The following GALNT14 variants were observed in gnomAD, a reference collection of about 807,000 sequenced individuals.
GALNT14 encodes the protein UDP-GalNAc:polypeptide N-acetylgalactosaminyltransferase 14.
Under a neutral mutation model 77.5 loss-of-function variants are expected in GALNT14, and 60 were observed. That is an observed-to-expected ratio of 0.77 (90% CI 0.63 to 0.96). GALNT14 has a LOEUF of 0.96. GALNT14 is among the 40% of genes least tolerant of loss of function. The pLI, the probability that GALNT14 is intolerant of heterozygous loss-of-function variation, is 0.00. For synonymous variants in GALNT14, 280 were observed against 281.7 expected (o/e 0.99, Z 0.06); for missense variants, 710 against 731.0 (o/e 0.97, Z 0.33).
chr2:30,958,472 ATGGAAACAGAAAAAAATCAC>A lies in GALNT14; in HGVS notation c.399-28_399-9del. 1 of 1,613,142 alleles carries A rather than the reference ATGGAAACAGAAAAAAATCAC, an allele frequency of 6.2e-7. No homozygotes were observed. The highest frequency in any genetic ancestry group is 8.5e-7 in the Non-Finnish European group (1 of 1,179,218). ...GGGGTGCGGTTTAATACACTGCAAG[ATGGAAACAGAAAAAAATCAC>A]TGGAACTTCTAGTGGCAAAATATAT... is the stretch of plus-strand genomic sequence containing the variant. On this transcript the variant is annotated splice_polypyrimidine_tract_variant and intron_variant, in intron 3 of 14. Coordinates refer to ENST00000349752, the MANE Select transcript of GALNT14 (RefSeq NM_024572.4).
chr2:30,961,255 T>A (rs1667674269), intron 3 of GALNT14, among the ~76,000 whole-genome samples: 1 of 152,252 alleles, frequency 6.6e-6, no homozygotes. Context: ...TAAGGAAATG[T>A]ATTTGAAATT....
chr2:31,031,906 T>C (rs992340205), intron 1 of GALNT14, among the ~76,000 whole-genome samples: 6 of 152,010 alleles, frequency 3.9e-5, no homozygotes, highest in African/African-American at 1.4e-4. Flanking sequence ...CTAGCAAGAG[T>C]CTTCCTGTTT....
At chr2:30,893,614 A>G in the GALNT14 span, among the ~76,000 whole-genome samples, 2 of 152,246 alleles carry the variant, frequency 1.3e-5, no homozygotes, top group South Asian at 4.1e-4. Flanking sequence ...TCTAAAACTC[A>G]TATTTCAAGA....
At chr2:30,958,004 T>C (rs146753022) in intron 4 of GALNT14, among the ~76,000 whole-genome samples, 3 of 152,188 alleles carry the variant, frequency 2.0e-5, no homozygotes, top group East Asian at 1.9e-4. Flanking sequence ...GGTTCTTTGA[T>C]AGGATAACTG....
Position 31,138,371 on chromosome 2 carries a change from T to G in GALNT14, c.-285A>C. 35 of 397,954 alleles carry G rather than the reference T, an allele frequency of 8.8e-5. No homozygotes were observed. The highest frequency in any genetic ancestry group is 1.2e-4 in the Non-Finnish European group (27 of 223,364). The allele number at this position is 397,954 out of a possible 1,614,324, so 24.7% of individuals were successfully genotyped here. On this transcript the variant is annotated 5_prime_UTR_variant, in exon 1 of 15. Transcript: ENST00000349752. The stretch of plus-strand genomic sequence containing the variant: ...GAGAAGCGCGGTGGCTGCCGAGATG[T>G]TCCCCACGCCGCCACCGCGGCTGCC...
intron 1 of GALNT14, among the ~76,000 whole-genome samples, chr2:30,995,830 G>A (rs1669999046): frequency 6.6e-6 from 1 of 152,102 alleles, no homozygotes; most frequent in Non-Finnish European, 1.5e-5. Flanking sequence ...TATATATATA[G>A]TTTAAGTTGA....
intron 1 of GALNT14, among the ~76,000 whole-genome samples, chr2:31,035,620 C>A (rs896933119): frequency 9.5e-6 from 1 of 104,840 alleles, no homozygotes. Flanking sequence ...CACACACCTA[C>A]ACACACACAC....
chr2:31,064,679 C>T (rs1674820891), intron 1 of GALNT14, among the ~76,000 whole-genome samples: 1 of 151,998 alleles, frequency 6.6e-6, no homozygotes, highest in African/African-American at 2.4e-5. Flanking sequence ...TATTGGATCT[C>T]GCCAGACACA....
the GALNT14 span, among the ~76,000 whole-genome samples, chr2:30,901,435 TAC>T: frequency 1.1e-4 from 16 of 151,818 alleles, no homozygotes; most frequent in African/African-American, 2.9e-4. Flanking sequence ...CCTATATGTA[TAC>T]ACACACACAC....
intron 1 of GALNT14, among the ~76,000 whole-genome samples, chr2:31,043,557 G>A (rs2148504252): frequency 6.6e-6 from 1 of 152,250 alleles, no homozygotes; most frequent in South Asian, 2.1e-4. Context: ...GGAAGCAATG[G>A]ATCTGGTCCC....
intron 2 of GALNT14, among the ~76,000 whole-genome samples, chr2:30,972,632 C>T (rs545391680): frequency 6.6e-4 from 100 of 152,360 alleles, no homozygotes; most frequent in Non-Finnish European, 1.2e-3. Flanking sequence ...TGGACTCCAG[C>T]GTCCTCGTCA....
intron 1 of GALNT14, among the ~76,000 whole-genome samples, chr2:31,024,845 A>C (rs1162958204): frequency 6.6e-6 from 1 of 152,150 alleles, no homozygotes; most frequent in Non-Finnish European, 1.5e-5. Flanking sequence ...CCACTGAAAA[A>C]TTCTAAGTGT....
In GALNT14 at chr2:30,910,814, T is replaced by C. The variant is rs1664309294; in HGVS notation, c.*87A>G. 6.9e-7 allele frequency: 1 copy of C among 1,450,066 alleles called. No individual in the cohort carries two copies. The highest frequency in any genetic ancestry group is 1.4e-5 in the African/African-American group (1 of 70,960). The allele number at this position is 1,450,066 out of a possible 1,614,324, so 89.8% of individuals were successfully genotyped here. The stretch of plus-strand genomic sequence containing the variant: ...TCCCAGTCCAGGATGTCTGAGGTGG[T>C]TGCAGGCTGCTTGCTGCCCAGTTTC... On this transcript the variant is annotated 3_prime_UTR_variant, in exon 15 of 15. Coordinates refer to ENST00000349752, the MANE Select transcript of GALNT14 (RefSeq NM_024572.4).
At chr2:31,103,340 G>C (rs562006302) in intron 1 of GALNT14, among the ~76,000 whole-genome samples, 1 of 151,934 alleles carries the variant, frequency 6.6e-6, no homozygotes, top group Admixed American at 6.6e-5. Flanking sequence ...CAAAGATAAA[G>C]TTGGTGTATT....
At chr2:30,969,653 A>G (rs1007644208) in intron 2 of GALNT14, among the ~76,000 whole-genome samples, 3 of 152,154 alleles carry the variant, frequency 2.0e-5, no homozygotes, top group Non-Finnish European at 4.4e-5. Flanking sequence ...ACAGACAGAA[A>G]TGGGGCACAG....
intron 13 of GALNT14, among the ~76,000 whole-genome samples, chr2:30,923,183 C>T (rs996392219): frequency 5.9e-5 from 9 of 151,492 alleles, no homozygotes; most frequent in African/African-American, 2.2e-4. Context: ...CTGCCTCAGC[C>T]CCCTGAGTAG....
Position 30,924,736 on chromosome 2 carries a change from A to G in GALNT14, c.1235+4T>C. ...GCCAAAGCTCCAACAGGTAGGACGG[A>G]TACCTGAGTTCAGGGTAGATATTCT... On this transcript the variant is annotated splice_donor_region_variant and intron_variant, in intron 12 of 14. Transcript: ENST00000349752. The G allele has an allele frequency of 1.2e-6, 2 of 1,612,850 alleles. No homozygotes were observed. The highest frequency in any genetic ancestry group is 1.3e-5 in the African/African-American group (1 of 75,032).
At chr2:31,048,627 C>CTGCCTCCCT (rs369825736) in intron 1 of GALNT14, among the ~76,000 whole-genome samples, 2 of 151,624 alleles carry the variant, frequency 1.3e-5, no homozygotes, top group South Asian at 2.1e-4. Context: ...CCTGCCTCCC[C>CTGCCTCCCT]GCAGCAGCAA....
At chr2:30,889,290 G>A in the GALNT14 span, among the ~76,000 whole-genome samples, 35 of 152,262 alleles carry the variant, frequency 2.3e-4, no homozygotes, top group East Asian at 5.4e-3. Context: ...CAGGAGCTGC[G>A]GTGTTTAACT....
Sources: gnomAD v4.1 joint callset for allele counts (sites outside exome capture counted in the v4.1 genomes callset) on GRCh38, gnomAD v4.1.1 for gene constraint, MANE v1.5 for transcripts, NCBI Gene and HGNC (gene_info 2026-07-23, HGNC 2026-07-21) for gene names.